The following UNC13C variants were observed in gnomAD, a reference collection of about 807,000 sequenced individuals.
UNC13C encodes protein unc-13 homolog C.
UNC13C carries 174 observed loss-of-function variants against 245.4 expected under a neutral mutation model. The observed-to-expected ratio is 0.71, with a 90% confidence interval of 0.63 to 0.80. The LOEUF is 0.80. UNC13C is among the 30% of genes least tolerant of loss of function. The pLI, the probability that UNC13C is intolerant of heterozygous loss-of-function variation, is 0.00. For synonymous variants in UNC13C, 992 were observed against 895.1 expected, an observed-to-expected ratio of 1.11 and a Z score of -1.93; for missense variants, 2,829 against 2,602.9, an observed-to-expected ratio of 1.09 and a Z score of -1.89.
At chr15:53,936,431 A>G in the UNC13C span, among the ~76,000 whole-genome samples, 2 of 151,762 alleles carry the variant, frequency 1.3e-5, no homozygotes, top group African/African-American at 4.8e-5. Context: ...AGTTCAGCTG[A>G]CTTACCTTTC....
chr15:54,464,476 A>G (rs1243144033), intron 19 of UNC13C, among the ~76,000 whole-genome samples: 1 of 152,084 alleles, frequency 6.6e-6, no homozygotes, highest in Non-Finnish European at 1.5e-5. Flanking sequence ...TTATTAGTTG[A>G]CTGTACATAA....
chr15:54,362,844 T>C (rs1045034944), intron 17 of UNC13C, among the ~76,000 whole-genome samples: 1 of 152,136 alleles, frequency 6.6e-6, no homozygotes. Flanking sequence ...GAGGCTCACA[T>C]AATCCATTGG....
At chr15:54,278,832 G>T (rs564440510) in intron 10 of UNC13C, among the ~76,000 whole-genome samples, 1 of 152,074 alleles carries the variant, frequency 6.6e-6, no homozygotes, top group Non-Finnish European at 1.5e-5. Context: ...TAAAGTAATC[G>T]CTTTCATCAG....
downstream of UNC13C, chr15:54,631,454 TATGGGACAATTCCCTCATACCTCAAAA>T (rs1168490261): frequency 6.6e-6 from 1 of 152,250 alleles, no homozygotes; most frequent in Admixed American, 6.5e-5. Context: ...ACAGTCAAGA[TATGGGACAATTCCCTCATACCTCAAAA>T]TTCCACGTTA....
chr15:54,344,040 A>G (rs1203914195), intron 17 of UNC13C, among the ~76,000 whole-genome samples: 3 of 152,216 alleles, frequency 2.0e-5, no homozygotes. Context: ...AATTCTGGCT[A>G]AACTGAGAAG....
chr15:53,930,522 G>C, the UNC13C span, among the ~76,000 whole-genome samples: 5 of 152,060 alleles, frequency 3.3e-5, no homozygotes, highest in Admixed American at 6.5e-5. Flanking sequence ...CTAGGGCAGT[G>C]GTAAATACAC....
intron 17 of UNC13C, among the ~76,000 whole-genome samples, chr15:54,352,585 C>A (rs1284156166): frequency 6.6e-6 from 1 of 151,650 alleles, no homozygotes; most frequent in Non-Finnish European, 1.5e-5. Context: ...AGGCATAAAA[C>A]AAAAATACAG....
intron 19 of UNC13C, among the ~76,000 whole-genome samples, chr15:54,419,562 T>C (rs923397737): frequency 7.9e-5 from 12 of 152,136 alleles, no homozygotes; most frequent in Non-Finnish European, 1.8e-4. Flanking sequence ...CTTACCTGTT[T>C]AGATATTTTT....
chr15:54,331,920 G>T, intron 14 of UNC13C, 123 bp from the exon 15 acceptor site: 1 of 591,904 alleles, frequency 1.7e-6, no homozygotes, highest in East Asian at 3.1e-5. Flanking sequence ...TATGATCTTG[G>T]ACAAGTCATT....
the UNC13C span, among the ~76,000 whole-genome samples, chr15:53,951,805 A>C: frequency 6.6e-6 from 1 of 152,326 alleles, no homozygotes; most frequent in East Asian, 1.9e-4. Flanking sequence ...AAGTGCAAGT[A>C]ACCTTTCCTC....
intron 2 of UNC13C, among the ~76,000 whole-genome samples, chr15:54,084,351 T>C (rs1899121978): frequency 6.6e-6 from 1 of 152,202 alleles, no homozygotes; most frequent in African/African-American, 2.4e-5. Context: ...TTTTTTGCAG[T>C]TGTGTTTTGT....
chr15:54,113,075 T>C (rs1218356408), intron 2 of UNC13C, among the ~76,000 whole-genome samples: 1 of 139,638 alleles, frequency 7.2e-6, no homozygotes, highest in East Asian at 2.1e-4. Context: ...CTCTTTATCA[T>C]GTTAGGCGAG....
intron 26 of UNC13C, among the ~76,000 whole-genome samples, chr15:54,540,445 C>T (rs1896193720): frequency 6.6e-6 from 1 of 151,984 alleles, no homozygotes; most frequent in South Asian, 2.1e-4. Flanking sequence ...CTAGATAGCT[C>T]AGGTTCTAAA....
At chr15:54,572,104 G>T (rs571648063) in intron 30 of UNC13C, among the ~76,000 whole-genome samples, 3 of 152,110 alleles carry the variant, frequency 2.0e-5, no homozygotes, top group African/African-American at 7.2e-5. Flanking sequence ...ACTTCTGGGA[G>T]AACCCAAACC....
intron 1 of UNC13C, among the ~76,000 whole-genome samples, chr15:54,000,338 G>A (rs764995104): frequency 4.6e-5 from 7 of 152,186 alleles, no homozygotes; most frequent in Non-Finnish European, 8.8e-5. Context: ...ATCTACTGAA[G>A]ATAATGACAC....
chr15:54,035,047 G>C (rs1308751950), intron 2 of UNC13C, among the ~76,000 whole-genome samples: 1 of 152,074 alleles, frequency 6.6e-6, no homozygotes, highest in Non-Finnish European at 1.5e-5. Context: ...ATTTAGCAAA[G>C]TTTTAACATA....
chr15:54,237,944 T>C (rs1225497611), intron 7 of UNC13C, among the ~76,000 whole-genome samples: 2 of 152,170 alleles, frequency 1.3e-5, no homozygotes, highest in Non-Finnish European at 2.9e-5. Context: ...CCTGTTATTC[T>C]CCCTGTGGAA....
chr15:54,590,882 G>T (rs934702149), intron 30 of UNC13C, among the ~76,000 whole-genome samples: 1 of 152,084 alleles, frequency 6.6e-6, no homozygotes, highest in African/African-American at 2.4e-5. Context: ...GTTCTCAGAG[G>T]GAATACTTTC....
intron 12 of UNC13C, 85 bp downstream of exon 12, chr15:54,298,011 C>T (rs2037481278): frequency 2.0e-6 from 2 of 997,862 alleles, no homozygotes; most frequent in Non-Finnish European, 3.0e-6. Context: ...GTTTAAAAAT[C>T]ATTGAATTTG....
Sources: allele counts gnomAD v4.1 joint callset (sites outside exome capture counted in the v4.1 genomes callset), GRCh38; gene constraint gnomAD v4.1.1; transcripts MANE v1.5; gene names NCBI Gene and HGNC (gene_info 2026-07-23, HGNC 2026-07-21).